NRG1: variants seen among roughly 807,000 people sequenced by gnomAD.
NRG1 encodes the protein neuregulin 1, also known as pro-neuregulin-1, membrane-bound isoform.
Under a neutral mutation model 63.8 loss-of-function variants are expected in NRG1, and 18 were observed. That is an observed-to-expected ratio of 0.28 (90% CI 0.19 to 0.42). The LOEUF is 0.42. Ranked by LOEUF, NRG1 falls within the 10% of genes least tolerant of loss-of-function variation. The pLI is 1.00. For synonymous variants in NRG1, 302 were observed against 301.3 expected, an observed-to-expected ratio of 1.00 and a Z score of -0.02; for missense variants, 762 against 814.7, an observed-to-expected ratio of 0.94 and a Z score of 0.79.
chr8:31,917,382 A>G (rs1412375541), intron 1 of NRG1, among the ~76,000 whole-genome samples: 1 of 150,544 alleles, frequency 6.6e-6, no homozygotes, highest in Non-Finnish European at 1.5e-5. Context: ...TGATTTTTGT[A>G]TAAGGTGTAA....
At chr8:32,649,535 C>G (rs1363227114) in intron 5 of NRG1, among the ~76,000 whole-genome samples, 1 of 152,168 alleles carries the variant, frequency 6.6e-6, no homozygotes, top group East Asian at 1.9e-4. Context: ...GACAATTTCT[C>G]TGACGAAATG....
intron 1 of NRG1, among the ~76,000 whole-genome samples, chr8:32,393,485 A>G (rs185528196): frequency 5.9e-5 from 9 of 152,328 alleles, no homozygotes; most frequent in African/African-American, 1.9e-4. Flanking sequence ...AATCAACCTA[A>G]ATGCCCATCA....
At chr8:31,664,140 ACC>A (rs1806289642) in intron 1 of NRG1, among the ~76,000 whole-genome samples, 2 of 152,120 alleles carry the variant, frequency 1.3e-5, no homozygotes, top group African/African-American at 4.8e-5. Flanking sequence ...CCAACCACAT[ACC>A]CTCTTCACGG....
At chr8:32,763,210 T>C (rs1312185966) in intron 11 of NRG1, 1 of 1,613,040 alleles carries the variant, frequency 6.2e-7, no homozygotes, top group Non-Finnish European at 8.5e-7. Flanking sequence ...CTCTTTTTTT[T>C]TCATAAGACA....
intron 1 of NRG1, among the ~76,000 whole-genome samples, chr8:32,083,385 G>A (rs1827771497): frequency 6.6e-6 from 1 of 152,198 alleles, no homozygotes; most frequent in African/African-American, 2.4e-5. Flanking sequence ...AGGCCAAAGA[G>A]TTAGAGATTG....
chr8:31,813,593 C>T (rs1255809552), intron 1 of NRG1, among the ~76,000 whole-genome samples: 1 of 146,996 alleles, frequency 6.8e-6, no homozygotes, highest in Non-Finnish European at 1.5e-5. Flanking sequence ...ACAATCATGG[C>T]TTACTGCAAT....
intron 1 of NRG1, among the ~76,000 whole-genome samples, chr8:32,568,989 A>G (rs1285393394): frequency 1.3e-5 from 2 of 151,694 alleles, no homozygotes; most frequent in East Asian, 3.9e-4. Flanking sequence ...TTTTCAGACT[A>G]CCCTGTGGAA....
At chr8:31,701,279 A>G (rs1414315523) in intron 1 of NRG1, among the ~76,000 whole-genome samples, 2 of 152,166 alleles carry the variant, frequency 1.3e-5, no homozygotes, top group East Asian at 1.9e-4. Context: ...TCCTTCCCCT[A>G]TCACTAAGAT....
chr8:32,054,855 CTTTCTTTCTTTTTTTTTTTTTTT>C (rs1822596399), intron 1 of NRG1, among the ~76,000 whole-genome samples: 16 of 56,310 alleles, frequency 2.8e-4, no homozygotes, highest in African/African-American at 9.7e-4. Context: ...AAGCAGATTT[CTTTCTTTCTTTTTTTTTTTTTTT>C]TTTTTTTTTT....
intron 1 of NRG1, among the ~76,000 whole-genome samples, chr8:32,433,574 A>G (rs556353030): frequency 6.6e-6 from 1 of 152,292 alleles, no homozygotes; most frequent in African/African-American, 2.4e-5. Flanking sequence ...AAAGAGAATA[A>G]TTATAGATTA....
At chr8:32,702,501 T>A (rs1056635063) in intron 5 of NRG1, among the ~76,000 whole-genome samples, 3 of 152,206 alleles carry the variant, frequency 2.0e-5, no homozygotes, top group Non-Finnish European at 4.4e-5. Context: ...AATTGTTCTT[T>A]TTTGAGGAGG....
At chr8:32,120,905 A>G (rs1391120157) in intron 1 of NRG1, among the ~76,000 whole-genome samples, 1 of 152,024 alleles carries the variant, frequency 6.6e-6, no homozygotes, top group Non-Finnish European at 1.5e-5. Context: ...AGGGCATGGT[A>G]TAAACTCTGC....
chr8:32,032,366 C>A (rs905702136), intron 1 of NRG1, among the ~76,000 whole-genome samples: 1 of 152,114 alleles, frequency 6.6e-6, no homozygotes, highest in African/African-American at 2.4e-5. Flanking sequence ...CAGCTTCAAG[C>A]AATTCTCCTG....
At chr8:31,804,388 C>A (rs1000705789) in intron 1 of NRG1, among the ~76,000 whole-genome samples, 1 of 152,038 alleles carries the variant, frequency 6.6e-6, no homozygotes, top group African/African-American at 2.4e-5. Flanking sequence ...CTGGTTGATA[C>A]CCCGAATGGA....
At chr8:32,317,028 A>G (rs1857480242) in intron 1 of NRG1, among the ~76,000 whole-genome samples, 1 of 152,144 alleles carries the variant, frequency 6.6e-6, no homozygotes, top group Non-Finnish European at 1.5e-5. Flanking sequence ...TAGGGAAATT[A>G]TATATTGTTT....
At chr8:32,475,806 G>C (rs1343283059) in intron 1 of NRG1, among the ~76,000 whole-genome samples, 1 of 152,098 alleles carries the variant, frequency 6.6e-6, no homozygotes, top group Non-Finnish European at 1.5e-5. Context: ...TGAAAATGTT[G>C]GTTCTATCAC....
At chr8:32,567,301 T>G (rs1032789877) in intron 1 of NRG1, among the ~76,000 whole-genome samples, 1 of 152,164 alleles carries the variant, frequency 6.6e-6, no homozygotes, top group African/African-American at 2.4e-5. Context: ...CCTAAATATC[T>G]CAATGAAATG....
chr8:32,763,968 C>G (rs1462732074), exon 12 of NRG1: 1 of 1,614,094 alleles, frequency 6.2e-7, no homozygotes, highest in Non-Finnish European at 8.5e-7. Context: ...TCACCCTCAG[C>G]AGTTCAGCTC....
intron 1 of NRG1, among the ~76,000 whole-genome samples, chr8:31,952,604 T>A (rs1001226387): frequency 6.6e-6 from 1 of 152,284 alleles, no homozygotes; most frequent in Admixed American, 6.5e-5. Flanking sequence ...AACAAACAAC[T>A]GTTACATTTG....
Sources: gnomAD v4.1 joint callset for allele counts (sites outside exome capture counted in the v4.1 genomes callset) on GRCh38, gnomAD v4.1.1 for gene constraint, MANE v1.5 for transcripts, NCBI Gene and HGNC (gene_info 2026-07-23, HGNC 2026-07-21) for gene names.